The following JAKMIP2 variants were observed in gnomAD, a reference collection of about 807,000 sequenced individuals.
The protein encoded by JAKMIP2 is janus kinase and microtubule-interacting protein 2.
A neutral mutation model predicts 115.0 loss-of-function variants in JAKMIP2; 25 were observed. That is an observed-to-expected ratio of 0.22 (90% CI 0.16 to 0.30). The LOEUF (loss-of-function observed/expected upper bound fraction) is 0.30. Among genes scored for constraint, JAKMIP2 ranks in the 10% least tolerant of loss-of-function variants. JAKMIP2 has a pLI of 1.00. For synonymous variants in JAKMIP2, 334 were observed against 343.6 expected, an observed-to-expected ratio of 0.97 and a Z score of 0.31; for missense variants, 642 against 957.6, an observed-to-expected ratio of 0.67 and a Z score of 4.35.
intron 1 of JAKMIP2, among the ~76,000 whole-genome samples, chr5:147,766,329 A>ATT (rs537634042): frequency 6.6e-6 from 1 of 151,700 alleles, no homozygotes; most frequent in African/African-American, 2.4e-5. Flanking sequence ...TTTCTGTAGA[A>ATT]TTTTTTTTTG....
intron 10 of JAKMIP2, among the ~76,000 whole-genome samples, chr5:147,639,270 G>A (rs991832778): frequency 1.3e-5 from 2 of 152,114 alleles, no homozygotes; most frequent in African/African-American, 2.4e-5. Flanking sequence ...ACTTATTAAC[G>A]AAGAGAAGAC....
At chr5:147,665,929 G>T (rs1031270257) in intron 2 of JAKMIP2, among the ~76,000 whole-genome samples, 1 of 152,156 alleles carries the variant, frequency 6.6e-6, no homozygotes, top group Admixed American at 6.5e-5. Context: ...AAGAGGAGAT[G>T]AAGGAAATTA....
Position 147,782,466 on chromosome 5 carries a change from C to T in JAKMIP2, c.-159G>A, listed in dbSNP as rs1288091963. On this transcript the variant is annotated 5_prime_UTR_variant, in exon 1 of 22. Transcript: ENST00000616793. ...CTGTTTCCTACTCACCATGCTGAGA[C>T]CCGGAGAAGCTGTTTAAAGGAGGGA... 2 of 1,535,884 alleles carry T rather than the reference C, an allele frequency of 1.3e-6. No individual in the cohort carries two copies. Among genetic ancestry groups the T allele is most frequent in the African/African-American group, 2.7e-5 (2 of 73,038 alleles).
At chr5:147,768,472 G>C (rs538908643) in intron 1 of JAKMIP2, among the ~76,000 whole-genome samples, 11 of 152,158 alleles carry the variant, frequency 7.2e-5, no homozygotes, top group African/African-American at 2.4e-4. Flanking sequence ...TTTCAGTTCT[G>C]TTCCCATTCA....
intron 1 of JAKMIP2, among the ~76,000 whole-genome samples, chr5:147,729,688 G>T (rs1451933572): frequency 6.6e-6 from 1 of 151,720 alleles, no homozygotes; most frequent in Non-Finnish European, 1.5e-5. Context: ...GCAGGAGAAT[G>T]GTGTGAACCC....
chr5:147,777,241 T>G (rs1366285158), intron 1 of JAKMIP2, among the ~76,000 whole-genome samples: 1 of 152,292 alleles, frequency 6.6e-6, no homozygotes, highest in African/African-American at 2.4e-5. Context: ...TCACGACTGC[T>G]TTAAATCAAG....
intron 12 of JAKMIP2, among the ~76,000 whole-genome samples, chr5:147,633,336 T>C (rs1413339703): frequency 1.3e-5 from 2 of 152,162 alleles, no homozygotes; most frequent in East Asian, 1.9e-4. Flanking sequence ...CACATGATCA[T>C]GCAAACACTA....
At chr5:147,687,947 T>G (rs1442255878) in intron 1 of JAKMIP2, among the ~76,000 whole-genome samples, 1 of 152,220 alleles carries the variant, frequency 6.6e-6, no homozygotes, top group Non-Finnish European at 1.5e-5. Flanking sequence ...ACCCATTCAT[T>G]GACTCAGTTA....
intron 16 of JAKMIP2, among the ~76,000 whole-genome samples, chr5:147,624,615 T>C (rs1757010658): frequency 6.6e-6 from 1 of 152,232 alleles, no homozygotes; most frequent in Admixed American, 6.5e-5. Context: ...TATGTTAGCA[T>C]TGATAAACAC....
chr5:147,660,096 A>G (rs1758881545), intron 3 of JAKMIP2, among the ~76,000 whole-genome samples: 1 of 152,234 alleles, frequency 6.6e-6, no homozygotes, highest in Non-Finnish European at 1.5e-5. Context: ...ACATTAAAGT[A>G]AGATGTAACA....
At chr5:147,591,967 T>C (rs1755119424) in intron 21 of JAKMIP2, among the ~76,000 whole-genome samples, 1 of 152,216 alleles carries the variant, frequency 6.6e-6, no homozygotes, top group Non-Finnish European at 1.5e-5. Context: ...TACTGCTTTT[T>C]CCTCTGAGGC....
chr5:147,628,201 A>G (rs1254268654), intron 16 of JAKMIP2, among the ~76,000 whole-genome samples: 1 of 152,098 alleles, frequency 6.6e-6, no homozygotes, highest in Non-Finnish European at 1.5e-5. Flanking sequence ...GCATTGATTC[A>G]TGAGGTACTC....
At chr5:147,670,275 A>G (rs995266531) in intron 2 of JAKMIP2, among the ~76,000 whole-genome samples, 8 of 152,232 alleles carry the variant, frequency 5.3e-5, no homozygotes, top group Non-Finnish European at 8.8e-5. Flanking sequence ...AACAAATTAA[A>G]ATTTAATAAT....
At chr5:147,758,172 T>C (rs1754813486) in intron 1 of JAKMIP2, among the ~76,000 whole-genome samples, 1 of 152,154 alleles carries the variant, frequency 6.6e-6, no homozygotes, top group Non-Finnish European at 1.5e-5. Flanking sequence ...TGAGAACATG[T>C]AAATACTACA....
rs976301421 is a variant in JAKMIP2, at chr5:147,730,437, C to T, written c.-149+52019G>A. Among the ~76,000 whole-genome samples the T allele has an allele frequency of 2.0e-5, 3 of 149,368 alleles. No individual in the cohort carries two copies. The Admixed American group carries it at 2.1e-4, about 10-fold the overall frequency. ...CACTGCCTCCCATGTGATATCGGATCATCTTGCCCTATTTTTTTTTTTTGT... is the reference window on the plus strand; with the variant it reads ...CACTGCCTCCCATGTGATATCGGATTATCTTGCCCTATTTTTTTTTTTTGT... On this transcript the variant is annotated intron_variant, in intron 1 of 21. Coordinates refer to ENST00000616793, the MANE Select transcript of JAKMIP2 (RefSeq NM_001270941.2).
chr5:147,745,490 G>C (rs550902967), intron 1 of JAKMIP2, among the ~76,000 whole-genome samples: 5 of 152,192 alleles, frequency 3.3e-5, no homozygotes, highest in African/African-American at 1.2e-4. Flanking sequence ...GATTGTCTTA[G>C]GATTCATCCA....
intron 1 of JAKMIP2, among the ~76,000 whole-genome samples, chr5:147,736,073 A>G (rs1367225352): frequency 6.6e-6 from 1 of 152,208 alleles, no homozygotes; most frequent in Admixed American, 6.5e-5. Flanking sequence ...TTTTTCAACT[A>G]GCTCAAAAAA....
intron 10 of JAKMIP2, 120 bp from the exon 11 acceptor site, chr5:147,637,168 A>G (rs537719576): frequency 2.9e-6 from 2 of 691,560 alleles, no homozygotes; most frequent in African/African-American, 3.6e-5. Context: ...CTATGACAAA[A>G]GAATCTTTCT....
At chr5:147,713,970 G>A (rs554207225) in intron 1 of JAKMIP2, among the ~76,000 whole-genome samples, 12 of 152,280 alleles carry the variant, frequency 7.9e-5, no homozygotes, top group Admixed American at 5.9e-4. Flanking sequence ...TTAGATTAAA[G>A]TAATTCCAGA....
Sources: allele counts gnomAD v4.1 joint callset (sites outside exome capture counted in the v4.1 genomes callset), GRCh38; gene constraint gnomAD v4.1.1; transcripts MANE v1.5; gene names NCBI Gene and HGNC (gene_info 2026-07-23, HGNC 2026-07-21).